The following CNBD1 variants were observed in gnomAD, a reference collection of about 807,000 sequenced individuals.
CNBD1 encodes the protein cyclic nucleotide binding domain containing 1, also known as cyclic nucleotide-binding domain-containing protein 1.
CNBD1 carries 71 observed loss-of-function variants against 54.4 expected under a neutral mutation model. The observed-to-expected ratio is 1.30, with a 90% CI of 1.08 to 1.59. The LOEUF is 1.59. Among genes scored for constraint, CNBD1 ranks in the 40% most tolerant of loss-of-function variants. The pLI, the probability that CNBD1 is intolerant of heterozygous loss-of-function variation, is 0.00. For synonymous variants in CNBD1, 182 were observed against 170.7 expected (o/e 1.07, Z -0.51); for missense variants, 659 against 518.0 (o/e 1.27, Z -2.64).
intron 4 of CNBD1, among the ~76,000 whole-genome samples, chr8:86,988,143 G>GTTTTTTTTTTTTTTTTTTTTTTTTT: frequency 7.4e-6 from 1 of 134,354 alleles, no homozygotes. Context: ...TGGTTGATAG[G>GTTTTTTTTTTTTTTTTTTTTTTTTT]TTTTTTTTTT....
intron 10 of CNBD1, among the ~76,000 whole-genome samples, chr8:87,362,863 T>A (rs896318142): frequency 1.3e-5 from 2 of 152,074 alleles, no homozygotes; most frequent in Non-Finnish European, 2.9e-5. Flanking sequence ...TCATTCAAAT[T>A]GCATATTCTA....
At chr8:87,012,814 G>T (rs1172907577) in intron 4 of CNBD1, among the ~76,000 whole-genome samples, 1 of 152,146 alleles carries the variant, frequency 6.6e-6, no homozygotes, top group African/African-American at 2.4e-5. Flanking sequence ...CCCACTTTGA[G>T]TTGTCCTGCC....
intron 8 of CNBD1, among the ~76,000 whole-genome samples, chr8:87,333,915 A>G (rs992117205): frequency 1.1e-4 from 16 of 152,136 alleles, no homozygotes; most frequent in Non-Finnish European, 2.1e-4. Context: ...CTCCTTTTCA[A>G]TAGTTTGAAA....
At chr8:86,898,839 ATCT>A (rs1475411569) in intron 2 of CNBD1, among the ~76,000 whole-genome samples, 1 of 152,174 alleles carries the variant, frequency 6.6e-6, no homozygotes, top group Non-Finnish European at 1.5e-5. Context: ...TAAAATTTAA[ATCT>A]TCTGCTCTGT....
In CNBD1 at chr8:87,389,431, A is replaced by G. The variant is rs1207642949; in HGVS notation, c.213+35645A>G. 2.6e-5 allele frequency among the ~76,000 whole-genome samples: 4 copies of G among 152,220 alleles called. No individual in the cohort carries two copies. The East Asian group carries it at 7.7e-4, about 29-fold the overall frequency. On this transcript the variant is annotated intron_variant, in intron 2 of 7. Transcript: ENST00000521593. ...CAGGATATAAAATCAATGTGCAAAA[A>G]TCACAAGCATTCTTATACACCAATA...
intron 4 of CNBD1, among the ~76,000 whole-genome samples, chr8:86,982,290 A>T (rs2130510855): frequency 6.6e-6 from 1 of 152,310 alleles, no homozygotes; most frequent in East Asian, 1.9e-4. Flanking sequence ...GCAATTAGTC[A>T]TGCATTTTCT....
At chr8:87,063,223 C>T (rs1456983867) in intron 4 of CNBD1, among the ~76,000 whole-genome samples, 1 of 152,108 alleles carries the variant, frequency 6.6e-6, no homozygotes, top group Non-Finnish European at 1.5e-5. Flanking sequence ...ATATAAATCC[C>T]ATGAAAGGTA....
At chr8:87,083,942 G>A (rs912646777) in intron 4 of CNBD1, among the ~76,000 whole-genome samples, 16 of 152,084 alleles carry the variant, frequency 1.1e-4, no homozygotes, top group African/African-American at 3.9e-4. Context: ...GCCCTAAAAT[G>A]TATAAAAACA....
intron 4 of CNBD1, among the ~76,000 whole-genome samples, chr8:86,962,868 G>A (rs1273654830): frequency 2.6e-5 from 4 of 152,108 alleles, no homozygotes; most frequent in Non-Finnish European, 5.9e-5. Flanking sequence ...TGGCATGTCA[G>A]GCTTCTGGGT....
chr8:87,122,136 C>G (rs1029428128), intron 4 of CNBD1, among the ~76,000 whole-genome samples: 2 of 151,558 alleles, frequency 1.3e-5, no homozygotes, highest in African/African-American at 2.4e-5. Flanking sequence ...TTTTGAGGAA[C>G]CTCCATACCA....
chr8:87,277,479 C>G (rs1172135922), intron 6 of CNBD1, among the ~76,000 whole-genome samples: 1 of 151,704 alleles, frequency 6.6e-6, no homozygotes, highest in Non-Finnish European at 1.5e-5. Context: ...CTCCGTGATC[C>G]AGTCAAATTG....
chr8:87,279,314 A>G (rs1467618188), intron 6 of CNBD1, among the ~76,000 whole-genome samples: 5 of 151,556 alleles, frequency 3.3e-5, no homozygotes, highest in African/African-American at 1.2e-4. Context: ...ATATAGAAAA[A>G]TATTTGATTA....
intron 4 of CNBD1, among the ~76,000 whole-genome samples, chr8:87,151,554 T>C (rs1812604461): frequency 6.6e-6 from 1 of 152,198 alleles, no homozygotes; most frequent in Non-Finnish European, 1.5e-5. Context: ...GTCCAATGTA[T>C]GGACCCCTAG....
chr8:87,191,034 G>T (rs956741742), intron 4 of CNBD1, among the ~76,000 whole-genome samples: 1 of 151,366 alleles, frequency 6.6e-6, no homozygotes, highest in African/African-American at 2.4e-5. Context: ...TTATTAAGGA[G>T]AATTAGCTTT....
chr8:87,349,600 C>A (rs1343809125), intron 8 of CNBD1, among the ~76,000 whole-genome samples: 2 of 152,194 alleles, frequency 1.3e-5, no homozygotes, highest in Non-Finnish European at 2.9e-5. Context: ...TTCTCAAACT[C>A]CTGACCTCAG....
chr8:87,236,931 A>G lies in CNBD1; in HGVS notation c.590A>G (p.Asp197Gly), dbSNP rs754631029. ...WLKGSTVVAN[D>G]GFYVILKGLA... ...TTGTTTTTTTCAGTGGTTGCAAATG[A>G]TGGATTTTATGTAATACTGAAAGGC... Residue 197 changes from aspartate (D) to glycine (G), a missense_variant, in exon 6 of 11, where the codon GAT becomes GGT. Coordinates refer to ENST00000518476, the MANE Select transcript of CNBD1 (RefSeq NM_173538.3). 1.1e-5 allele frequency: 17 copies of G among 1,591,014 alleles called. No homozygotes were observed. Among genetic ancestry groups the G allele is most frequent in the Non-Finnish European group, 1.2e-5 (14 of 1,168,698 alleles).
At chr8:87,126,712 C>G (rs1354837454) in intron 4 of CNBD1, among the ~76,000 whole-genome samples, 2 of 151,610 alleles carry the variant, frequency 1.3e-5, no homozygotes, top group Non-Finnish European at 3.0e-5. Flanking sequence ...CAATTTTTGC[C>G]TAACTCAAAG....
At position 87,069,563 on chromosome 8, in the gene CNBD1, G is replaced by A. The variant is rs192808156; in HGVS notation, c.431+129809G>A. ...AGTAGGATATACCATCTAGGTTTGC[G>A]TAAGGATATTCTATGATGTTCACAC... On this transcript the variant is annotated intron_variant, in intron 4 of 10. Transcript: ENST00000518476. Among the ~76,000 whole-genome samples, 271 of 152,124 alleles carry A rather than the reference G, an allele frequency of 1.8e-3. 4 individuals are homozygous for A. The highest frequency in any genetic ancestry group is 5.7e-3 in the African/African-American group (237 of 41,542).
At chr8:87,204,153 G>A (rs1318452961) in intron 4 of CNBD1, among the ~76,000 whole-genome samples, 3 of 152,082 alleles carry the variant, frequency 2.0e-5, no homozygotes, top group Admixed American at 1.3e-4. Flanking sequence ...AACTTTTTTT[G>A]GAGCATAATA....
Sources: allele counts gnomAD v4.1 joint callset (sites outside exome capture counted in the v4.1 genomes callset), GRCh38; gene constraint gnomAD v4.1.1; transcripts MANE v1.5; gene names NCBI Gene and HGNC (gene_info 2026-07-23, HGNC 2026-07-21).